TET3: variants seen among roughly 807,000 people sequenced by gnomAD.
TET3 encodes the protein tet methylcytosine dioxygenase 3.
Under a neutral mutation model 141.4 loss-of-function variants are expected in TET3, and 19 were observed. The observed-to-expected ratio is 0.13, with a 90% CI of 0.09 to 0.20. The LOEUF is 0.20. Among genes scored for constraint, TET3 ranks in the 10% least tolerant of loss-of-function variants. TET3 has a pLI of 1.00. For missense variants in TET3, 1,874 were observed against 2,356.9 expected (o/e 0.80, Z 4.24); for synonymous variants, 1,043 against 980.9 (o/e 1.06, Z -1.18).
In TET3 at chr2:74,056,566, T is replaced by C. The variant is rs1170495474; in HGVS notation, c.2494+8155T>C. Among the ~76,000 whole-genome samples, 3 of 152,286 alleles carry C rather than the reference T, an allele frequency of 2.0e-5. No individual in the cohort carries two copies. In the East Asian group the frequency reaches 5.8e-4, roughly 29 times the overall value. ...GGAAAAAAAGAACCACCTTCACTTC[T>C]TCTCTCAGTGGTCAAAACAAGACAT... is the stretch of plus-strand genomic sequence containing the variant. On this transcript the variant is annotated intron_variant, in intron 4 of 11. Transcript: ENST00000409262.
rs72816202 is a variant in TET3, at chr2:74,070,676, T to A, written c.2495-2873T>A. 2.5e-3 allele frequency among the ~76,000 whole-genome samples: 377 copies of A among 152,330 alleles called. 1 individual carries two copies. Among genetic ancestry groups the A allele is most frequent in the Non-Finnish European group, 4.2e-3 (289 of 68,022 alleles). On this transcript the variant is annotated intron_variant, in intron 4 of 11. Coordinates refer to ENST00000409262, the MANE Select transcript of TET3 (RefSeq NM_001287491.2). Reference sequence around the variant, plus strand: ...ATGGGTTGTGTCTTTATTTGGACTATTTTAACAAAAATACCGGCCAGTCCC... The same window carrying A: ...ATGGGTTGTGTCTTTATTTGGACTAATTTAACAAAAATACCGGCCAGTCCC...
intron 3 of TET3, among the ~76,000 whole-genome samples, chr2:74,035,995 C>T (rs6706327): frequency 2.6e-5 from 4 of 151,900 alleles, no homozygotes; most frequent in East Asian, 3.8e-4. Context: ...CCAGCCTGGG[C>T]GACAGAGTGA....
chr2:74,047,278 G>A lies in TET3; in HGVS notation c.1361G>A (p.Arg454His), dbSNP rs767453367. The A allele has an allele frequency of 6.8e-6, 11 of 1,613,804 alleles. No individual in the cohort carries two copies. Among genetic ancestry groups the A allele is most frequent in the South Asian group, 4.4e-5 (4 of 91,084 alleles). The change falls in exon 4 of 12, where the codon CGC becomes CAC. Residue 454 changes from arginine to histidine, a missense_variant. By Grantham distance (29) the Arg-to-His change is conservative (BLOSUM62 0). Coordinates refer to ENST00000409262, the MANE Select transcript of TET3 (RefSeq NM_001287491.2). The stretch of plus-strand genomic sequence containing the variant: ...CCCCGGAGCTCCTGGCCCATGCCTC[G>A]CCCAAGCCCCGATCCCATGGCTGAA... The part of the protein sequence containing the change: ...ATPRSSWPMP[R>H]PSPDPMAELE...
the TET3 span, among the ~76,000 whole-genome samples, chr2:74,125,951 G>A: frequency 2.9e-3 from 442 of 152,252 alleles, 2 homozygotes; most frequent in African/African-American, 0.01. Flanking sequence ...TTTGAGGCAA[G>A]GGTCTTGCTA....
At chr2:74,036,613 G>A (rs1363428750) in intron 3 of TET3, among the ~76,000 whole-genome samples, 3 of 152,258 alleles carry the variant, frequency 2.0e-5, no homozygotes, top group African/African-American at 4.8e-5. Context: ...GCAATTACTT[G>A]CCCTCTCTGT....
Position 74,105,359 on chromosome 2 carries a change from G to A in TET3, c.*3183G>A. 2 of 398,602 alleles carry A rather than the reference G, an allele frequency of 5.0e-6. No homozygotes were observed. Among genetic ancestry groups the A allele is most frequent in the Non-Finnish European group, 8.8e-6 (2 of 226,064 alleles). 24.7% of individuals were successfully genotyped at this position (398,602 alleles called of 1,614,324 possible). ...CCTGTTGCGTGCAAGGGAAGTGCTT[G>A]TAAAGTTCTGTGCTACGAGATTTTT... On this transcript the variant is annotated 3_prime_UTR_variant, in exon 12 of 12. Coordinates refer to ENST00000409262, the MANE Select transcript of TET3 (RefSeq NM_001287491.2).
In TET3 at chr2:74,093,094, G is replaced by A; in HGVS notation, c.3129+103G>A. ...AGAGTGGGCTCTTTTACTCTCTTAT[G>A]GGAAGAGCCTAGTCCAGAAGTAAAG... On this transcript the variant is annotated intron_variant, in intron 9 of 11. Transcript: ENST00000409262. The surrounding 1 kb of genome is among the most constrained non-coding windows in gnomAD (Gnocchi z 4.2). 2.8e-6 allele frequency: 3 copies of A among 1,071,432 alleles called. No homozygotes were observed. Among genetic ancestry groups the A allele is most frequent in the Non-Finnish European group, 4.1e-6 (3 of 724,320 alleles). 66.4% of individuals were successfully genotyped at this position (1,071,432 alleles called of 1,614,324 possible). A position where few individuals can be genotyped will look rare whatever the true frequency, so the allele number is the denominator to read the frequency against.
chr2:74,126,505 T>A, the TET3 span, among the ~76,000 whole-genome samples: 1 of 148,446 alleles, frequency 6.7e-6, no homozygotes, highest in Admixed American at 6.7e-5. Context: ...GCTGGATTTT[T>A]TTTTTTTTTT....
At chr2:73,990,493 A>G (rs1011146294) in intron 2 of TET3, among the ~76,000 whole-genome samples, 1 of 152,202 alleles carries the variant, frequency 6.6e-6, no homozygotes, top group African/African-American at 2.4e-5. Context: ...CTAGACACCA[A>G]GGAGTCACTA....
intron 10 of TET3, among the ~76,000 whole-genome samples, chr2:74,094,869 G>C (rs147654259): frequency 6.6e-6 from 1 of 152,304 alleles, no homozygotes; most frequent in East Asian, 1.9e-4. Flanking sequence ...CAAGAGTCCT[G>C]TTTCAAGATG....
the TET3 span, among the ~76,000 whole-genome samples, chr2:74,118,023 C>T: frequency 6.6e-6 from 1 of 152,320 alleles, no homozygotes; most frequent in South Asian, 2.1e-4. Context: ...GGATTACAGG[C>T]ATGAGCCACT....
chr2:74,002,633 G>A (rs1684915958), intron 2 of TET3: 2 of 365,698 alleles, frequency 5.5e-6, no homozygotes, highest in East Asian at 8.2e-5. Flanking sequence ...CCGGCCGCGG[G>A]GATTGGCTGG....
rs978857300 is a variant in TET3, at chr2:74,104,745, TGAAAG to T, written c.*2572_*2576del. The T allele has an allele frequency of 3.6e-4, 56 of 157,238 alleles. No individual in the cohort carries two copies. Among genetic ancestry groups the T allele is most frequent in the African/African-American group, 1.3e-3 (54 of 41,760 alleles). 9.7% of individuals were successfully genotyped at this position (157,238 alleles called of 1,614,324 possible). A position where few individuals can be genotyped will look rare whatever the true frequency, so the allele number is the denominator to read the frequency against. On this transcript the variant is annotated 3_prime_UTR_variant, in exon 12 of 12. Transcript: ENST00000409262. ...ACCCTTTGGTAGGAAAGCCATTAGA[TGAAAG>T]GAGAAACCAATACAAGCTAAAAGCA...
intron 3 of TET3, among the ~76,000 whole-genome samples, chr2:74,026,093 C>T (rs2105268025): frequency 6.6e-6 from 1 of 152,276 alleles, no homozygotes; most frequent in African/African-American, 2.4e-5. Flanking sequence ...AGGAAGCTGC[C>T]TTCTGCTCTC....
At position 74,102,448 on chromosome 2, in the gene TET3, T is replaced by TC. The variant is rs3834778; in HGVS notation, c.*281dup. The TC allele has an allele frequency of 3.1e-3, 863 of 279,588 alleles. 3 individuals are homozygous for TC. Among genetic ancestry groups the TC allele is most frequent in the African/African-American group, 0.011 (510 of 44,926 alleles). The allele number at this position is 279,588 out of a possible 1,614,324, so 17.3% of individuals were successfully genotyped here. On this transcript the variant is annotated 3_prime_UTR_variant, in exon 12 of 12. Transcript: ENST00000409262. ...TCTTAATATTTATATCTCCAAGTTG[T>TC]CCCCCCCCCTTGTCTGGGGGGTTTT...
intron 3 of TET3, among the ~76,000 whole-genome samples, chr2:74,034,229 A>C (rs1686905944): frequency 6.6e-6 from 1 of 150,514 alleles, no homozygotes; most frequent in Non-Finnish European, 1.5e-5. Flanking sequence ...CAATAAAACA[A>C]GGTATGGCTG....
At chr2:74,036,260 A>G (rs1687054074) in intron 3 of TET3, among the ~76,000 whole-genome samples, 1 of 152,232 alleles carries the variant, frequency 6.6e-6, no homozygotes, top group African/African-American at 2.4e-5. Flanking sequence ...CCACGATTCA[A>G]ACTAAATGTT....
chr2:74,085,706 G>A (rs1054820557), intron 6 of TET3, among the ~76,000 whole-genome samples: 2 of 152,214 alleles, frequency 1.3e-5, no homozygotes, highest in African/African-American at 4.8e-5. Flanking sequence ...ACGCCCGCTC[G>A]CCTGCTGCTC....
chr2:74,009,672 C>G (rs933778534), intron 3 of TET3, among the ~76,000 whole-genome samples: 6 of 152,202 alleles, frequency 3.9e-5, no homozygotes, highest in African/African-American at 1.4e-4. Context: ...CAGTCCATCC[C>G]TAGTCCTGCC....
Sources: gnomAD v4.1 joint callset for allele counts (sites outside exome capture counted in the v4.1 genomes callset) on GRCh38, gnomAD v4.1.1 for gene constraint, Gnocchi (gnomAD v3.1) non-coding constraint, MANE v1.5 for transcripts, NCBI Gene and HGNC (gene_info 2026-07-23, HGNC 2026-07-21) for gene names.